The following MYO1A variants were observed in gnomAD, a reference collection of about 807,000 sequenced individuals.
MYO1A encodes unconventional myosin-Ia.
A neutral mutation model predicts 138.5 loss-of-function variants in MYO1A; 127 were observed. That is an observed-to-expected ratio of 0.92 (90% CI 0.79 to 1.06). MYO1A has a LOEUF of 1.06. Among genes scored for constraint, MYO1A ranks in the 50% least tolerant of loss-of-function variants. The pLI, the probability that MYO1A is intolerant of heterozygous loss-of-function variation, is 0.00. For synonymous variants in MYO1A, 477 were observed against 497.5 expected, an observed-to-expected ratio of 0.96 and a Z score of 0.55; for missense variants, 1,211 against 1,288.8, an observed-to-expected ratio of 0.94 and a Z score of 0.92.
chr12:57,038,221 T>A, intron 17 of MYO1A, 152 bp from the exon 18 acceptor site: 4 of 1,111,432 alleles, frequency 3.6e-6, no homozygotes, highest in South Asian at 1.3e-5. Context: ...CTCACTTCTA[T>A]GTATTCCCTA....
chr12:57,045,977 C>T (rs2031075624), intron 8 of MYO1A, among the ~76,000 whole-genome samples: 1 of 152,220 alleles, frequency 6.6e-6, no homozygotes. Flanking sequence ...ATGTCTTACT[C>T]AACTCTGTAT....
At position 57,037,968 on chromosome 12, in the gene MYO1A, C is replaced by A; in HGVS notation, c.1862G>T (p.Arg621Leu). The stretch of plus-strand genomic sequence containing the variant: ...CTGGCGGTGGGCATAGCCTGCCCGT[C>A]GCACCCGTACGTTCTCCAGCAGTCC... ...YLGLLENVRV[R>L]RAGYAHRQGY... The change falls in exon 18 of 28, where the codon CGA becomes CTA. Residue 621 changes from arginine (R) to leucine (L), a missense_variant. Coordinates refer to ENST00000300119, the MANE Select transcript of MYO1A (RefSeq NM_005379.4). 1 of 1,614,160 alleles carries A rather than the reference C, an allele frequency of 6.2e-7. No individual in the cohort carries two copies. The highest frequency in any genetic ancestry group is 8.5e-7 in the Non-Finnish European group (1 of 1,180,032).
Position 57,038,608 on chromosome 12 carries a change from T to C in MYO1A, c.1564A>G (p.Lys522Glu), listed in dbSNP as rs1376332488. 1 of 1,614,102 alleles carries C rather than the reference T, an allele frequency of 6.2e-7. No individual in the cohort carries two copies. The highest frequency in any genetic ancestry group is 1.3e-5 in the African/African-American group (1 of 74,928). Residue 522 changes from lysine to glutamate, a missense_variant, in exon 17 of 28, where the codon AAG becomes GAG. By Grantham distance (56) the Lys-to-Glu change is moderately conservative (BLOSUM62 1). Transcript: ENST00000300119. ...TCTCGGAAGAGTAGGTCATTATTCT[T>C]GTCAATAAAGCTGGTCACGTTGTAT... ...VTYNVTSFID[K>E]NNDLLFRDLL...
intron 14 of MYO1A, 138 bp downstream of exon 14, chr12:57,041,046 A>G (rs1335402893): frequency 1.4e-6 from 1 of 703,330 alleles, no homozygotes; most frequent in African/African-American, 1.7e-5. Flanking sequence ...GGAATGATCT[A>G]CTATGCAAGG....
At chr12:57,039,066 G>C in intron 15 of MYO1A, 57 bp from the exon 16 acceptor site, 1 of 1,581,328 alleles carries the variant, frequency 6.3e-7, no homozygotes, top group East Asian at 2.3e-5. Context: ...AGATGTCCAC[G>C]TTCTCATTGC....
chr12:57,029,632 C>T (rs2030169301), intron 25 of MYO1A, 45 bp from the exon 26 acceptor site: 1 of 1,614,076 alleles, frequency 6.2e-7, no homozygotes, highest in African/African-American at 1.3e-5. Flanking sequence ...GGATTAATTG[C>T]CCCCACTCCA....
At chr12:57,043,696 T>G (rs1426250136) in intron 10 of MYO1A, among the ~76,000 whole-genome samples, 160 bp downstream of exon 10, 1 of 152,180 alleles carries the variant, frequency 6.6e-6, no homozygotes, top group Non-Finnish European at 1.5e-5. Flanking sequence ...ATATGCTTCA[T>G]CGGGAGTTCT....
intron 14 of MYO1A, 84 bp from the exon 15 acceptor site, chr12:57,039,358 C>A: frequency 9.8e-7 from 1 of 1,023,016 alleles, no homozygotes; most frequent in South Asian, 1.3e-5. Flanking sequence ...TTTCACCCAC[C>A]CAACAAAGGA....
intron 5 of MYO1A, 59 bp downstream of exon 5, chr12:57,047,244 G>A (rs2031141568): frequency 6.3e-7 from 1 of 1,581,734 alleles, no homozygotes; most frequent in Non-Finnish European, 8.7e-7. Context: ...GAGGGTCTAG[G>A]GCTCAGTGAT....
intron 9 of MYO1A, 44 bp from the exon 10 acceptor site, chr12:57,044,047 G>A (rs577732296): frequency 1.2e-6 from 2 of 1,614,212 alleles, no homozygotes; most frequent in Admixed American, 3.3e-5. Context: ...GTTGGTGCCA[G>A]TCCAATGCGA....
intron 19 of MYO1A, among the ~76,000 whole-genome samples, 165 bp from the exon 20 acceptor site, chr12:57,037,256 A>C (rs1565643095): frequency 6.6e-6 from 1 of 151,988 alleles, no homozygotes; most frequent in Non-Finnish European, 1.5e-5. Flanking sequence ...TATCTACTTA[A>C]CTCTAACTTT....
At chr12:57,028,952 C>A in intron 27 of MYO1A, 71 bp from the exon 28 acceptor site, 5 of 1,595,202 alleles carry the variant, frequency 3.1e-6, no homozygotes, top group Non-Finnish European at 4.3e-6. Flanking sequence ...CCATGATGGC[C>A]CCCCCATCAT....
At chr12:57,047,268 T>C (rs760947024) in intron 5 of MYO1A, 35 bp downstream of exon 5, 2 of 1,597,906 alleles carry the variant, frequency 1.3e-6, no homozygotes, top group African/African-American at 1.3e-5. Context: ...GGGGGTTAGA[T>C]GGAGGGTGGA....
chr12:57,047,589 G>A (rs768641168), intron 4 of MYO1A, 38 bp downstream of exon 4: 30 of 1,602,818 alleles, frequency 1.9e-5, no homozygotes, highest in Non-Finnish European at 2.3e-5. Flanking sequence ...AGCAGTTCCA[G>A]AGGTGACTCC....
At chr12:57,043,199 C>T in intron 11 of MYO1A, 41 bp from the exon 12 acceptor site, 5 of 1,614,038 alleles carry the variant, frequency 3.1e-6, no homozygotes, top group Non-Finnish European at 4.2e-6. Context: ...CATCACAGAA[C>T]AGGGTCGAAA....
At chr12:57,046,362 G>A (rs1186726449) in intron 8 of MYO1A, among the ~76,000 whole-genome samples, 190 bp downstream of exon 8, 2 of 152,096 alleles carry the variant, frequency 1.3e-5, no homozygotes, top group Non-Finnish European at 2.9e-5. Context: ...AGAACACAGG[G>A]GTAAAGGAAT....
intron 22 of MYO1A, among the ~76,000 whole-genome samples, chr12:57,033,449 T>G (rs1302172996): frequency 1.3e-5 from 2 of 152,108 alleles, no homozygotes; most frequent in Non-Finnish European, 2.9e-5. Flanking sequence ...GCCCGCCTCC[T>G]GGGCTCAAGC....
chr12:57,035,579 C>T (rs1415217386), intron 22 of MYO1A, among the ~76,000 whole-genome samples: 1 of 152,218 alleles, frequency 6.6e-6, no homozygotes, highest in Non-Finnish European at 1.5e-5. Context: ...TGTCCAAGAT[C>T]CCATGCTCTT....
rs747953673 is a variant in MYO1A at position 57,038,603 on chromosome 12, AT to A, written c.1568del (p.Asn523IlefsTer53). ...ACAGGTCTCGGAAGAGTAGGTCATTATTCTTGTCAATAAAGCTGGTCACGTT... is the reference window on the plus strand; with the variant it reads ...ACAGGTCTCGGAAGAGTAGGTCATTATCTTGTCAATAAAGCTGGTCACGTT... Reference protein sequence around the residue: ...TYNVTSFIDKNNDLLFRDLLQ... With the variant: ...TYNVTSFIDKXNDLLFRDLLQ... On this transcript the variant is annotated frameshift_variant, in exon 17 of 28. Coordinates refer to ENST00000300119, the MANE Select transcript of MYO1A (RefSeq NM_005379.4). LOFTEE classifies it high-confidence loss of function. 3 of 1,614,184 alleles carry A rather than the reference AT, an allele frequency of 1.9e-6. No homozygotes were observed. In the South Asian group the frequency reaches 3.3e-5, roughly 18 times the overall value.
Sources: gnomAD v4.1 joint callset for allele counts (sites outside exome capture counted in the v4.1 genomes callset) on GRCh38, gnomAD v4.1.1 for gene constraint, MANE v1.5 for transcripts, NCBI Gene and HGNC (gene_info 2026-07-23, HGNC 2026-07-21) for gene names.